Variants in MGMT observed in about 807,000 individuals in gnomAD.
MGMT encodes the protein methylated-DNA--protein-cysteine methyltransferase.
Under a neutral mutation model 15.9 loss-of-function variants are expected in MGMT, and 14 were observed. That is an observed-to-expected ratio of 0.88 (90% CI 0.58 to 1.37). MGMT has a LOEUF of 1.37. Among genes scored for constraint, MGMT ranks in the 40% most tolerant of loss-of-function variants. The pLI is 0.00. For missense variants in MGMT, 282 were observed against 268.1 expected (o/e 1.05, Z -0.36); for synonymous variants, 130 against 118.2 (o/e 1.10, Z -0.65).
chr10:129,487,531 C>T (rs1041110726), intron 1 of MGMT, among the ~76,000 whole-genome samples: 8 of 151,812 alleles, frequency 5.3e-5, no homozygotes, highest in African/African-American at 1.9e-4. Context: ...TTCTGGTTGT[C>T]TGAATTTTGT....
At chr10:129,685,292 C>T (rs1847892973) in intron 2 of MGMT, among the ~76,000 whole-genome samples, 1 of 152,238 alleles carries the variant, frequency 6.6e-6, no homozygotes, top group Non-Finnish European at 1.5e-5. Flanking sequence ...TACTGATGAT[C>T]AAGTACAGAA....
At chr10:129,688,923 G>C (rs140053441) in intron 2 of MGMT, among the ~76,000 whole-genome samples, 136 of 151,928 alleles carry the variant, frequency 9.0e-4, no homozygotes, top group Admixed American at 1.7e-3. Context: ...TTCTGTTTAT[G>C]GGTTTGTTTT....
At chr10:129,536,617 C>G (rs965771796) in intron 2 of MGMT, 3 of 431,018 alleles carry the variant, frequency 7.0e-6, no homozygotes, top group African/African-American at 6.1e-5. Context: ...CCTTCATACC[C>G]TTTCATTAGT....
intron 2 of MGMT, among the ~76,000 whole-genome samples, chr10:129,615,328 C>T (rs1050857156): frequency 3.9e-5 from 6 of 152,034 alleles, no homozygotes; most frequent in Non-Finnish European, 7.4e-5. Flanking sequence ...GTGTGGGCTG[C>T]GCTGGACAGC....
In MGMT at chr10:129,541,098, A is replaced by G. The variant is rs187392095; in HGVS notation, c.125+4721A>G. ...GTTGACCACTGGGCCTTCTTCAGTG[A>G]CATTGCATCTGTGCTTGTGTACAAA... On this transcript the variant is annotated intron_variant, in intron 2 of 4. Transcript: ENST00000651593. Among the ~76,000 whole-genome samples, 220 of 152,344 alleles carry G rather than the reference A, an allele frequency of 1.4e-3. 1 individual carries two copies. The highest frequency in any genetic ancestry group is 5.0e-3 in the African/African-American group (207 of 41,586).
intron 2 of MGMT, among the ~76,000 whole-genome samples, chr10:129,614,555 T>G (rs1230441341): frequency 6.6e-6 from 1 of 152,232 alleles, no homozygotes; most frequent in African/African-American, 2.4e-5. Flanking sequence ...CAGCTTTCGC[T>G]TCTTTGGCAG....
chr10:129,701,527 T>C (rs953532686), intron 2 of MGMT: 7 of 152,160 alleles, frequency 4.6e-5, no homozygotes, highest in African/African-American at 1.4e-4. Context: ...ATTTAGTGAT[T>C]CTCTACTGCC....
chr10:129,472,522 C>G (rs1766639261), intron 1 of MGMT, among the ~76,000 whole-genome samples: 1 of 152,148 alleles, frequency 6.6e-6, no homozygotes, highest in Admixed American at 6.5e-5. Context: ...CTGCACACAC[C>G]CAAGCCCTCA....
chr10:129,474,245 C>T (rs1421348590), intron 1 of MGMT, among the ~76,000 whole-genome samples: 2 of 152,160 alleles, frequency 1.3e-5, no homozygotes, highest in Non-Finnish European at 2.9e-5. Flanking sequence ...GGAACACTAG[C>T]CTGTCAGTGC....
intron 3 of MGMT, among the ~76,000 whole-genome samples, chr10:129,727,148 C>T (rs1848443311): frequency 6.6e-6 from 1 of 152,192 alleles, no homozygotes; most frequent in South Asian, 2.1e-4. Context: ...TGCTGGTACT[C>T]CCACTCTTGT....
intron 1 of MGMT, among the ~76,000 whole-genome samples, chr10:129,479,524 T>C (rs796564653): frequency 1.3e-5 from 2 of 152,332 alleles, no homozygotes; most frequent in East Asian, 3.9e-4. Context: ...TAGTGAAAAG[T>C]TCTCGAGTGG....
intron 2 of MGMT, among the ~76,000 whole-genome samples, chr10:129,682,124 G>A (rs540522319): frequency 2.0e-4 from 31 of 152,166 alleles, no homozygotes; most frequent in Non-Finnish European, 3.8e-4. Context: ...CACAGGAACC[G>A]GAAGTTGTAC....
intron 2 of MGMT, among the ~76,000 whole-genome samples, chr10:129,679,207 A>C (rs909149505): frequency 6.6e-6 from 1 of 152,190 alleles, no homozygotes; most frequent in Non-Finnish European, 1.5e-5. Flanking sequence ...GATTTGATTA[A>C]ATTTCATACT....
At chr10:129,727,685 T>C (rs1848449018) in intron 3 of MGMT, among the ~76,000 whole-genome samples, 1 of 152,178 alleles carries the variant, frequency 6.6e-6, no homozygotes, top group South Asian at 2.1e-4. Flanking sequence ...TTTGGCTGTC[T>C]CTTGTGTACA....
intron 2 of MGMT, among the ~76,000 whole-genome samples, chr10:129,663,992 TA>T (rs1847628909): frequency 6.6e-6 from 1 of 152,168 alleles, no homozygotes; most frequent in African/African-American, 2.4e-5. Context: ...CTAAACCTGG[TA>T]AAGATAGTAT....
At chr10:129,541,797 CTG>C (rs993597468) in intron 2 of MGMT, among the ~76,000 whole-genome samples, 6 of 152,332 alleles carry the variant, frequency 3.9e-5, no homozygotes, top group East Asian at 1.9e-4. Flanking sequence ...TACACACAGA[CTG>C]TCTTCTACTG....
intron 1 of MGMT, among the ~76,000 whole-genome samples, chr10:129,494,173 C>G (rs1711674): frequency 6.6e-6 from 1 of 152,234 alleles, no homozygotes; most frequent in African/African-American, 2.4e-5. Flanking sequence ...GTGTCTTACA[C>G]TGAGAAATTC....
chr10:129,518,777 C>A (rs1845772489), intron 1 of MGMT, among the ~76,000 whole-genome samples: 1 of 151,154 alleles, frequency 6.6e-6, no homozygotes, highest in East Asian at 2.0e-4. Flanking sequence ...ATTAAGACTT[C>A]CATTCAACAG....
chr10:129,688,042 G>A (rs1847928927), intron 2 of MGMT, among the ~76,000 whole-genome samples: 1 of 152,100 alleles, frequency 6.6e-6, no homozygotes, highest in South Asian at 2.1e-4. Flanking sequence ...ATTTTTTATG[G>A]CTGCATAGTA....
Sources: gnomAD v4.1 joint callset for allele counts (sites outside exome capture counted in the v4.1 genomes callset) on GRCh38, gnomAD v4.1.1 for gene constraint, MANE v1.5 for transcripts, NCBI Gene and HGNC (gene_info 2026-07-23, HGNC 2026-07-21) for gene names.